LTBP1: variants seen among roughly 807,000 people sequenced by gnomAD.
LTBP1 encodes the protein latent-transforming growth factor beta-binding protein 1.
In LTBP1, 129 loss-of-function variants were observed where a neutral mutation model predicts 207.6. The ratio of observed to expected loss-of-function variants is 0.62; its 90% CI spans 0.54 to 0.72. The LOEUF (loss-of-function observed/expected upper bound fraction) is 0.72, where lower values mean the gene tolerates loss of function less well. Ranked by LOEUF, LTBP1 falls within the 30% of genes least tolerant of loss-of-function variation. LTBP1 has a pLI of 0.00. For synonymous variants in LTBP1, 963 were observed against 833.7 expected (o/e 1.16, Z -2.67); for missense variants, 2,281 against 2,217.2 (o/e 1.03, Z -0.58).
chr2:33,226,342 A>G (rs1225726042), intron 9 of LTBP1, among the ~76,000 whole-genome samples: 1 of 152,204 alleles, frequency 6.6e-6, no homozygotes, highest in Non-Finnish European at 1.5e-5. Flanking sequence ...AGTATAATCT[A>G]AAGTAATTGA....
intron 2 of LTBP1, among the ~76,000 whole-genome samples, chr2:32,995,900 C>T (rs1396558435): frequency 1.3e-5 from 2 of 152,186 alleles, no homozygotes; most frequent in South Asian, 4.1e-4. Flanking sequence ...GTATCATTTT[C>T]CCTGTTTTAT....
chr2:33,363,607 G>A (rs1377844115), intron 29 of LTBP1, 89 bp downstream of exon 29: 1 of 1,352,108 alleles, frequency 7.4e-7, no homozygotes, highest in Non-Finnish European at 1.0e-6. Flanking sequence ...CAATTTCCTT[G>A]AATCTAAATC....
intron 24 of LTBP1, among the ~76,000 whole-genome samples, chr2:33,326,619 G>T (rs1338981425): frequency 1.5e-5 from 2 of 129,966 alleles, no homozygotes; most frequent in African/African-American, 6.9e-5. Context: ...AAAGCCTACT[G>T]AAAATGAGAA....
In LTBP1 at chr2:33,397,182, C is replaced by G. The variant is rs2095366279; in HGVS notation, c.4884C>G (p.Leu1628=). The change falls in exon 33 of 34, where the codon CTC becomes CTG. Residue 1628 remains leucine (L), a synonymous_variant. Transcript: ENST00000404816. The stretch of plus-strand genomic sequence containing the variant: ...TACAGGCTGAGGAATGCGGCATCCT[C>G]AATGGATGTGAAAATGGTCGCTGTG... ...EELQAEECGI[L]NGCENGRCVR... is the part of the protein sequence containing the mutation. The G allele has an allele frequency of 1.2e-6, 2 of 1,613,998 alleles. No individual in the cohort carries two copies. The highest frequency in any genetic ancestry group is 1.7e-5 in the Admixed American group (1 of 59,984).
chr2:33,198,219 G>A (rs1339338996), intron 7 of LTBP1, among the ~76,000 whole-genome samples: 11 of 152,112 alleles, frequency 7.2e-5, no homozygotes, highest in African/African-American at 2.4e-4. Flanking sequence ...TGCGTATATT[G>A]AACCAGCCTT....
intron 22 of LTBP1, among the ~76,000 whole-genome samples, chr2:33,305,193 G>A (rs182969932): frequency 5.3e-5 from 8 of 152,016 alleles, no homozygotes; most frequent in Admixed American, 4.6e-4. Context: ...GTGTGGCGGC[G>A]TGTGCCTGTA....
intron 5 of LTBP1, among the ~76,000 whole-genome samples, chr2:33,143,787 GTT>G (rs78245020): frequency 0.059 from 8,405 of 141,800 alleles, 268 homozygotes; most frequent in Middle Eastern, 0.14. Context: ...GTTTTTTGTT[GTT>G]TTTTTTTTTT....
At chr2:33,133,389 TC>T (rs1399653262) in intron 4 of LTBP1, among the ~76,000 whole-genome samples, 9 of 152,122 alleles carry the variant, frequency 5.9e-5, no homozygotes, top group African/African-American at 2.2e-4. Context: ...TGGAGTGGCG[TC>T]AGAAGGGCAC....
chr2:33,280,484 A>G (rs182197060), intron 19 of LTBP1, among the ~76,000 whole-genome samples: 109 of 152,292 alleles, frequency 7.2e-4, no homozygotes, highest in Admixed American at 7.1e-3. Flanking sequence ...AAGAGAGAAG[A>G]AGCATCTACC....
Position 32,993,969 on chromosome 2 carries a change from A to AGTGTGTGTGTGTGT in LTBP1, c.566-26913_566-26900dup, listed in dbSNP as rs70938383. On this transcript the variant is annotated intron_variant, in intron 2 of 33. Transcript: ENST00000404816. ...CCAAAGAGGGGACTTCAGTTAGGGG[A>AGTGTGTGTGTGTGT]GTGTGTGTGTGTGTGTGTGTGTGTG... 7.1e-4 allele frequency among the ~76,000 whole-genome samples: 99 copies of AGTGTGTGTGTGTGT among 138,472 alleles called. 2 individuals are homozygous for AGTGTGTGTGTGTGT. Among genetic ancestry groups the AGTGTGTGTGTGTGT allele is most frequent in the Non-Finnish European group, 9.5e-4 (61 of 64,286 alleles). 90.8% of individuals were successfully genotyped at this position (138,472 alleles called of 152,430 possible). A position where few individuals can be genotyped will look rare whatever the true frequency, so the allele number is the denominator to read the frequency against.
intron 2 of LTBP1, among the ~76,000 whole-genome samples, chr2:32,965,322 G>A (rs1679784117): frequency 6.6e-6 from 1 of 152,068 alleles, no homozygotes; most frequent in African/African-American, 2.4e-5. Flanking sequence ...TACAATCGAT[G>A]AACCCCTATA....
At chr2:33,012,541 T>C (rs1687818267) in intron 2 of LTBP1, among the ~76,000 whole-genome samples, 1 of 152,248 alleles carries the variant, frequency 6.6e-6, no homozygotes, top group Admixed American at 6.5e-5. Context: ...ACACCTTTGT[T>C]ATTATGACAC....
At chr2:33,092,197 G>GCACACA (rs908762240) in intron 3 of LTBP1, among the ~76,000 whole-genome samples, 5 of 150,716 alleles carry the variant, frequency 3.3e-5, no homozygotes, top group African/African-American at 1.2e-4. Context: ...ACACACACGC[G>GCACACA]CACACACACA....
intron 28 of LTBP1, 41 bp from the exon 29 acceptor site, chr2:33,363,349 A>G (rs1559070608): frequency 6.2e-7 from 1 of 1,609,324 alleles, no homozygotes; most frequent in Non-Finnish European, 8.5e-7. Context: ...GAAAGATCAA[A>G]CCTAACTCCT....
At chr2:33,116,633 G>A (rs962580818) in intron 4 of LTBP1, among the ~76,000 whole-genome samples, 1 of 151,900 alleles carries the variant, frequency 6.6e-6, no homozygotes, top group African/African-American at 2.4e-5. Flanking sequence ...AAAGGCAGAT[G>A]TCATGTTTTA....
Position 33,269,356 on chromosome 2 carries a change from G to A in LTBP1, c.2618-4300G>A, listed in dbSNP as rs555442831. Among the ~76,000 whole-genome samples, 14 of 152,284 alleles carry A rather than the reference G, an allele frequency of 9.2e-5. No individual in the cohort carries two copies. In the South Asian group the frequency reaches 2.7e-3, roughly 29 times the overall value. Reference sequence around the variant, plus strand: ...ATATTCTAGATGGACTCCAGCAAAAGAAATAGAATAAGGTCCTTGACCTGG... The same window carrying A: ...ATATTCTAGATGGACTCCAGCAAAAAAAATAGAATAAGGTCCTTGACCTGG... On this transcript the variant is annotated intron_variant, in intron 15 of 33. Coordinates refer to ENST00000404816, the MANE Select transcript of LTBP1 (RefSeq NM_206943.4).
Position 33,311,093 on chromosome 2 carries a change from T to C in LTBP1, c.3604+1537T>C, listed in dbSNP as rs1216409363. 2.0e-5 allele frequency among the ~76,000 whole-genome samples: 3 copies of C among 152,198 alleles called. No homozygotes were observed. The East Asian group carries it at 5.8e-4, about 29-fold the overall frequency. ...ATCTCACATGTCCCAAATAACAGTC[T>C]TCTTGTAGGAGAAGATGGTATCTAC... On this transcript the variant is annotated intron_variant, in intron 23 of 33. Transcript: ENST00000404816.
At chr2:33,126,424 T>C (rs543052243) in intron 4 of LTBP1, among the ~76,000 whole-genome samples, 5 of 152,288 alleles carry the variant, frequency 3.3e-5, no homozygotes, top group African/African-American at 4.8e-5. Context: ...ATTAGACTTT[T>C]AGATTTCACC....
At chr2:33,048,608 C>T (rs2076568290) in intron 3 of LTBP1, among the ~76,000 whole-genome samples, 1 of 152,166 alleles carries the variant, frequency 6.6e-6, no homozygotes, top group Non-Finnish European at 1.5e-5. Flanking sequence ...GTATAATAGT[C>T]GACATCCAGA....
Sources: gnomAD v4.1 joint callset for allele counts (sites outside exome capture counted in the v4.1 genomes callset) on GRCh38, gnomAD v4.1.1 for gene constraint, MANE v1.5 for transcripts, NCBI Gene and HGNC (gene_info 2026-07-23, HGNC 2026-07-21) for gene names.